The following RSRP1 variants were observed in gnomAD, a reference collection of about 807,000 sequenced individuals.
RSRP1 encodes arginine and serine rich protein 1.
A neutral mutation model predicts 33.0 loss-of-function variants in RSRP1; 37 were observed. The ratio of observed to expected loss-of-function variants is 1.12; its 90% confidence interval spans 0.86 to 1.48. The LOEUF is 1.48. Ranked by LOEUF, RSRP1 falls within the 40% of genes most tolerant of loss-of-function variation. The pLI, the probability that RSRP1 is intolerant of heterozygous loss-of-function variation, is 0.00. For missense variants in RSRP1, 402 were observed against 385.3 expected (o/e 1.04, Z -0.36); for synonymous variants, 167 against 158.7 (o/e 1.05, Z -0.40).
intron 1 of RSRP1, among the ~76,000 whole-genome samples, chr1:25,256,795 C>T (rs950877082): frequency 4.6e-5 from 7 of 152,086 alleles, no homozygotes; most frequent in Non-Finnish European, 7.4e-5. Flanking sequence ...GAGGCCCTCA[C>T]GTGCTTGACT....
In RSRP1 at chr1:25,247,027, T is replaced by C. The variant is rs1639497333; in HGVS notation, c.-64A>G. ...GATCCCGCAAGCCTCAACTCAGGACTTCCTAAAAAACCAAGAGAGAAAAAA... is the reference window on the plus strand; with the variant it reads ...GATCCCGCAAGCCTCAACTCAGGACCTCCTAAAAAACCAAGAGAGAAAAAA... On this transcript the variant is annotated splice_region_variant and 5_prime_UTR_variant, in exon 2 of 5. Coordinates refer to ENST00000243189, the MANE Select transcript of RSRP1 (RefSeq NM_020317.5). The C allele has an allele frequency of 2.1e-6, 3 of 1,427,468 alleles. No individual in the cohort carries two copies. The African/African-American group carries it at 4.3e-5, about 20-fold the overall frequency. The allele number at this position is 1,427,468 out of a possible 1,614,324, so 88.4% of individuals were successfully genotyped here. A position where few individuals can be genotyped will look rare whatever the true frequency, so the allele number is the denominator to read the frequency against.
intron 1 of RSRP1, among the ~76,000 whole-genome samples, chr1:25,288,015 G>T (rs1320203108): frequency 1.5e-5 from 2 of 132,412 alleles, no homozygotes; most frequent in African/African-American, 5.2e-5. Context: ...GAGCCACTGT[G>T]TCCAGCCTAA....
At chr1:25,288,175 G>A (rs1332992692) in intron 1 of RSRP1, among the ~76,000 whole-genome samples, 1 of 130,778 alleles carries the variant, frequency 7.6e-6, no homozygotes, top group African/African-American at 2.6e-5. Context: ...ACACCACCAC[G>A]CCTAGCTGAT....
At chr1:25,257,659 G>A (rs1639990632) in intron 1 of RSRP1, among the ~76,000 whole-genome samples, 1 of 149,132 alleles carries the variant, frequency 6.7e-6, no homozygotes. Flanking sequence ...GAGTGCACTG[G>A]TGCAGTCATG....
At chr1:25,244,259 C>A in intron 3 of RSRP1, 1 of 1,289,170 alleles carries the variant, frequency 7.8e-7, no homozygotes, top group Non-Finnish European at 1.0e-6. Context: ...AAAGGGACAT[C>A]TTTTTCACAG....
chr1:25,292,327 A>G (rs1457426352), intron 1 of RSRP1, among the ~76,000 whole-genome samples: 1 of 132,664 alleles, frequency 7.5e-6, no homozygotes, highest in African/African-American at 2.6e-5. Flanking sequence ...GGGTTCAGAA[A>G]AGACTGAAGG....
At chr1:25,303,076 C>G (rs1259398803) in intron 1 of RSRP1, among the ~76,000 whole-genome samples, 1 of 131,840 alleles carries the variant, frequency 7.6e-6, no homozygotes, top group South Asian at 2.3e-4. Flanking sequence ...GACTTCCCAG[C>G]TCATTCCCTA....
rs192788583 is a variant in RSRP1, at chr1:25,306,340, C to G, written c.-67+31638G>C. Among the ~76,000 whole-genome samples the G allele has an allele frequency of 2.3e-3, 305 of 131,864 alleles. 47 individuals are homozygous for G. Among genetic ancestry groups the G allele is most frequent in the African/African-American group, 7.4e-3 (285 of 38,388 alleles). 86.5% of individuals were successfully genotyped at this position (131,864 alleles called of 152,430 possible). Reference sequence around the variant, plus strand: ...GCTACTCATAGTGTGGTCCGTAGACCAGCAGCATTGGCATCACCTGGGACC... The same window carrying G: ...GCTACTCATAGTGTGGTCCGTAGACGAGCAGCATTGGCATCACCTGGGACC... On this transcript the variant is annotated intron_variant, in intron 1 of 1. Coordinates refer to the RSRP1 transcript ENST00000561867.
At chr1:25,252,713 T>G (rs571410729) in intron 1 of RSRP1, among the ~76,000 whole-genome samples, 1 of 152,268 alleles carries the variant, frequency 6.6e-6, no homozygotes, top group East Asian at 1.9e-4. Context: ...TTTGGTATTT[T>G]TAGTAGGATG....
intron 1 of RSRP1, among the ~76,000 whole-genome samples, chr1:25,285,454 AG>A (rs1350175892): frequency 1.5e-5 from 2 of 135,066 alleles, no homozygotes; most frequent in Non-Finnish European, 3.5e-5. Flanking sequence ...TCTCTTGAAA[AG>A]AAAGGACTTT....
intron 1 of RSRP1, among the ~76,000 whole-genome samples, chr1:25,261,291 T>C (rs1458593358): frequency 6.6e-6 from 1 of 152,200 alleles, no homozygotes; most frequent in Non-Finnish European, 1.5e-5. Flanking sequence ...GGACAATATA[T>C]ACAAAGATAA....
At chr1:25,277,980 C>T (rs1459365451) in intron 1 of RSRP1, among the ~76,000 whole-genome samples, 1 of 132,372 alleles carries the variant, frequency 7.6e-6, no homozygotes, top group East Asian at 1.9e-4. Context: ...GGCCCAAAAG[C>T]TTTAATTTCT....
At position 25,247,384 on chromosome 1, in the gene RSRP1, G is replaced by C. The variant is rs751427314; in HGVS notation, c.-142C>G. 26 of 179,648 alleles carry C rather than the reference G, an allele frequency of 1.4e-4. No individual in the cohort carries two copies. The highest frequency in any genetic ancestry group is 2.0e-4 in the Non-Finnish European group (17 of 86,656). 11.1% of individuals were successfully genotyped at this position (179,648 alleles called of 1,614,324 possible). On this transcript the variant is annotated 5_prime_UTR_variant, in exon 1 of 5. Coordinates refer to ENST00000243189, the MANE Select transcript of RSRP1 (RefSeq NM_020317.5). ...CCTTCCTTTCGGAACGTAAGACGAA[G>C]TGGGGCTTTTAGTCCCTGCTTTCGA...
At chr1:25,264,450 A>T (rs1283591779) in intron 1 of RSRP1, among the ~76,000 whole-genome samples, 6 of 149,422 alleles carry the variant, frequency 4.0e-5, no homozygotes, top group South Asian at 2.2e-4. Context: ...CACTCCCCGA[A>T]GCTACAGCCC....
intron 1 of RSRP1, among the ~76,000 whole-genome samples, chr1:25,286,363 C>T (rs1354547344): frequency 7.4e-6 from 1 of 134,904 alleles, no homozygotes; most frequent in Non-Finnish European, 1.8e-5. Context: ...GTGGTGTGCA[C>T]CCACAGTCCC....
chr1:25,284,533 G>A, intron 1 of RSRP1: 2 of 1,375,428 alleles, frequency 1.5e-6, no homozygotes, highest in Non-Finnish European at 2.1e-6. Flanking sequence ...AATCTCGTCT[G>A]CTTCCCCCTC....
chr1:25,301,553 TC>T lies in RSRP1; in HGVS notation c.-67+36424del, dbSNP rs1330028378. Reference sequence around the variant, plus strand: ...TTCTTGTGGATGTTCTGGCCAAGTTTCAACTCTGCTCTGCTGAGAAGTCCAA... The same window carrying T: ...TTCTTGTGGATGTTCTGGCCAAGTTTAACTCTGCTCTGCTGAGAAGTCCAA... On this transcript the variant is annotated intron_variant, in intron 1 of 1. Coordinates refer to the RSRP1 transcript ENST00000561867. 6 of 1,379,210 alleles carry T rather than the reference TC, an allele frequency of 4.4e-6. 1 individual carries two copies. The African/African-American group carries it at 5.7e-5, about 13-fold the overall frequency. The allele number at this position is 1,379,210 out of a possible 1,614,324, so 85.4% of individuals were successfully genotyped here. A position where few individuals can be genotyped will look rare whatever the true frequency, so the allele number is the denominator to read the frequency against.
rs566004732 is a variant in RSRP1 at position 25,271,578 on chromosome 1, C to A, written c.-66-24549G>T. ...CATCTCTTCCTCCCTCTCTACATCC[C>A]TCTCTCTCTTCCTTCCTTCCTCGAC... On this transcript the variant is annotated intron_variant, in intron 1 of 1. Transcript: ENST00000561867. Among the ~76,000 whole-genome samples, 13 of 132,560 alleles carry A rather than the reference C, an allele frequency of 9.8e-5. 2 individuals carry two copies. The highest frequency in any genetic ancestry group is 2.8e-4 in the African/African-American group (11 of 38,878). 87.0% of individuals were successfully genotyped at this position (132,560 alleles called of 152,430 possible).
intron 1 of RSRP1, among the ~76,000 whole-genome samples, chr1:25,287,159 A>C (rs1456228808): frequency 7.4e-6 from 1 of 135,360 alleles, no homozygotes; most frequent in Non-Finnish European, 1.8e-5. Context: ...ACACACGCAC[A>C]CATGCACGCA....
Sources: allele counts gnomAD v4.1 joint callset (sites outside exome capture counted in the v4.1 genomes callset), GRCh38; gene constraint gnomAD v4.1.1; transcripts MANE v1.5; gene names NCBI Gene and HGNC (gene_info 2026-07-23, HGNC 2026-07-21).